ARHGEF10: variants seen among roughly 807,000 people sequenced by gnomAD.
ARHGEF10 encodes Rho guanine nucleotide exchange factor (GEF) 10.
A neutral mutation model predicts 147.4 loss-of-function variants in ARHGEF10; 140 were observed. The observed-to-expected ratio is 0.95, with a 90% confidence interval of 0.83 to 1.09. The LOEUF is 1.09. Ranked by LOEUF, ARHGEF10 falls within the 50% of genes least tolerant of loss-of-function variation. The pLI is 0.00. For synonymous variants in ARHGEF10, 902 were observed against 695.8 expected, an observed-to-expected ratio of 1.30 and a Z score of -4.67; for missense variants, 2,222 against 1,752.7, an observed-to-expected ratio of 1.27 and a Z score of -4.78.
intron 16 of ARHGEF10, chr8:1,904,114 A>T (rs1810701458): frequency 6.6e-6 from 1 of 152,414 alleles, no homozygotes; most frequent in Non-Finnish European, 1.5e-5. Flanking sequence ...AAAAAAATTC[A>T]CAAACATTTT....
chr8:1,830,237 G>GCAGGGGGCTCATTTCCCGTGGGGCT (rs1563144687), intron 1 of ARHGEF10, among the ~76,000 whole-genome samples: 4 of 67,758 alleles, frequency 5.9e-5, no homozygotes, highest in South Asian at 9.2e-4. Context: ...GGCATGCGTG[G>GCAGGGGGCTCATTTCCCGTGGGGCT]CAGGCGGCTC....
At chr8:1,916,229 A>G (rs927278739) in intron 18 of ARHGEF10, among the ~76,000 whole-genome samples, 1 of 152,214 alleles carries the variant, frequency 6.6e-6, no homozygotes, top group Admixed American at 6.5e-5. Flanking sequence ...AGCCACGGAA[A>G]GGTGCGCATG....
chr8:1,903,477 A>T, intron 16 of ARHGEF10, 26 bp downstream of exon 16: 1 of 1,613,068 alleles, frequency 6.2e-7, no homozygotes, highest in African/African-American at 1.3e-5. Flanking sequence ...CTTCAACTCT[A>T]TTCCAAAATT....
intron 1 of ARHGEF10, among the ~76,000 whole-genome samples, chr8:1,838,524 G>C (rs951573799): frequency 1.3e-5 from 2 of 152,278 alleles, no homozygotes; most frequent in Non-Finnish European, 2.9e-5. Context: ...GTGCACGCCG[G>C]AGGCAGTCCT....
intron 26 of ARHGEF10, 39 bp from the exon 27 acceptor site, chr8:1,945,442 C>T (rs1193308650): frequency 1.9e-6 from 3 of 1,556,872 alleles, no homozygotes; most frequent in Non-Finnish European, 2.6e-6. Context: ...CTCAGACTCA[C>T]TCCACGGGGC....
intron 12 of ARHGEF10, among the ~76,000 whole-genome samples, chr8:1,894,084 G>T (rs1409545478): frequency 6.6e-6 from 1 of 150,862 alleles, no homozygotes; most frequent in Non-Finnish European, 1.5e-5. Context: ...TGAGGCAGGA[G>T]AATTGCTTGA....
intron 22 of ARHGEF10, 115 bp downstream of exon 22, chr8:1,925,519 C>T (rs1312115004): frequency 1.4e-6 from 2 of 1,397,546 alleles, no homozygotes; most frequent in East Asian, 2.4e-5. Flanking sequence ...CCCAGGTTCA[C>T]CACAGTGACC....
At chr8:1,888,930 G>A (rs1173734155) in intron 11 of ARHGEF10, among the ~76,000 whole-genome samples, 2 of 124,872 alleles carry the variant, frequency 1.6e-5, no homozygotes, top group Non-Finnish European at 3.4e-5. Context: ...AGTGGGGTGA[G>A]GGGTCTGTGA....
chr8:1,932,326 C>T (rs148644919), intron 25 of ARHGEF10, among the ~76,000 whole-genome samples: 137 of 152,258 alleles, frequency 9.0e-4, no homozygotes, highest in African/African-American at 2.9e-3. Context: ...TGTATGCACA[C>T]GTGATTGTGA....
chr8:1,953,375 G>A (rs529825258), intron 28 of ARHGEF10, among the ~76,000 whole-genome samples: 18 of 150,132 alleles, frequency 1.2e-4, no homozygotes, highest in Non-Finnish European at 2.5e-4. Flanking sequence ...CGGGATCTCC[G>A]TCTTTCCTTT....
chr8:1,855,212 A>G (rs546347850), intron 2 of ARHGEF10, among the ~76,000 whole-genome samples: 2 of 152,274 alleles, frequency 1.3e-5, no homozygotes, highest in South Asian at 4.1e-4. Context: ...AACAATATTT[A>G]TAGACTCATG....
rs181447081 is a variant in ARHGEF10 at position 1,924,093 on chromosome 8, C to T, written c.2488+219C>T. 2.1e-3 allele frequency among the ~76,000 whole-genome samples: 313 copies of T among 152,244 alleles called. 1 individual carries two copies. The highest frequency in any genetic ancestry group is 7.1e-3 in the African/African-American group (295 of 41,554). On this transcript the variant is annotated intron_variant, in intron 21 of 28. Coordinates refer to ENST00000349830, the MANE Select transcript of ARHGEF10 (RefSeq NM_014629.4). ...GCATATTAAAATGGAGGGGTTAAAACGGATGGTGTTTCTGGTACCAGAACA... is the reference window on the plus strand; with the variant it reads ...GCATATTAAAATGGAGGGGTTAAAATGGATGGTGTTTCTGGTACCAGAACA...
At chr8:1,945,980 A>C in intron 27 of ARHGEF10, 1 of 478,430 alleles carries the variant, frequency 2.1e-6, no homozygotes, top group East Asian at 4.1e-5. Flanking sequence ...CGGTGCAACA[A>C]GGCCCTGGGG....
At chr8:1,887,635 T>C (rs12548513) in intron 11 of ARHGEF10, among the ~76,000 whole-genome samples, 63,472 of 139,024 alleles carry the variant, frequency 0.46, 14,493 homozygotes, top group African/African-American at 0.66. Context: ...GAGGAGACTG[T>C]GAGTGAGCTG....
chr8:1,930,661 C>T (rs1038953344), intron 25 of ARHGEF10, among the ~76,000 whole-genome samples: 3 of 152,228 alleles, frequency 2.0e-5, no homozygotes, highest in African/African-American at 7.2e-5. Context: ...GAAATCTGCG[C>T]CAGCCCCTCC....
intron 1 of ARHGEF10, among the ~76,000 whole-genome samples, chr8:1,839,725 T>A (rs1803850228): frequency 7.0e-6 from 1 of 143,758 alleles, no homozygotes; most frequent in African/African-American, 2.6e-5. Context: ...GTGGGGACTG[T>A]CCGGTGTGGA....
chr8:1,847,270 C>T (rs999218796), intron 2 of ARHGEF10, among the ~76,000 whole-genome samples: 3 of 152,250 alleles, frequency 2.0e-5, no homozygotes, highest in African/African-American at 7.2e-5. Context: ...AAAACAGAAC[C>T]CCTCTCATAA....
intron 2 of ARHGEF10, among the ~76,000 whole-genome samples, chr8:1,854,486 A>C (rs1409757895): frequency 6.6e-6 from 1 of 152,166 alleles, no homozygotes; most frequent in Non-Finnish European, 1.5e-5. Flanking sequence ...CATTCTGCAG[A>C]GTCTATATAA....
At chr8:1,900,870 T>G (rs1311663772) in intron 15 of ARHGEF10, among the ~76,000 whole-genome samples, 1 of 152,128 alleles carries the variant, frequency 6.6e-6, no homozygotes, top group Non-Finnish European at 1.5e-5. Flanking sequence ...GAGACCCTCT[T>G]TAGAATTTCC....
Sources: allele counts gnomAD v4.1 joint callset (sites outside exome capture counted in the v4.1 genomes callset), GRCh38; gene constraint gnomAD v4.1.1; transcripts MANE v1.5; gene names NCBI Gene and HGNC (gene_info 2026-07-23, HGNC 2026-07-21).